PDE4D: variants seen among roughly 807,000 people sequenced by gnomAD.
PDE4D encodes the protein 3',5'-cyclic-AMP phosphodiesterase 4D.
In PDE4D, 24 loss-of-function variants were observed where a neutral mutation model predicts 87.4. The observed-to-expected ratio is 0.27, with a 90% CI of 0.20 to 0.39. The LOEUF is 0.39. Ranked by LOEUF, PDE4D falls within the 10% of genes least tolerant of loss-of-function variation. The probability of loss-of-function intolerance (pLI) is 1.00; values close to 1 mark genes in which losing one functional copy is unlikely to be tolerated. For missense variants in PDE4D, 714 were observed against 1,041.0 expected (o/e 0.69, Z 4.32); for synonymous variants, 384 against 383.2 (o/e 1.00, Z -0.02).
intron 1 of PDE4D, among the ~76,000 whole-genome samples, chr5:59,325,479 T>C (rs908623393): frequency 6.6e-6 from 1 of 152,166 alleles, no homozygotes; most frequent in African/African-American, 2.4e-5. Context: ...ACCTACACAG[T>C]AGTGTATTAA....
chr5:59,801,270 A>C (rs1015707978), intron 1 of PDE4D, among the ~76,000 whole-genome samples: 6 of 152,224 alleles, frequency 3.9e-5, no homozygotes, highest in Non-Finnish European at 8.8e-5. Flanking sequence ...AATCTAAATT[A>C]TAAAATGGCT....
intron 6 of PDE4D, among the ~76,000 whole-genome samples, chr5:58,999,204 G>A (rs1749905243): frequency 6.6e-6 from 1 of 152,134 alleles, no homozygotes; most frequent in Non-Finnish European, 1.5e-5. Context: ...TATTTGCAAT[G>A]AATGTATTTA....
At chr5:59,493,716 G>T (rs1806635913) in intron 1 of PDE4D, among the ~76,000 whole-genome samples, 2 of 152,170 alleles carry the variant, frequency 1.3e-5, no homozygotes, top group Admixed American at 1.3e-4. Context: ...AAATTACTAA[G>T]ATCAGAAACT....
At chr5:59,380,199 C>T (rs1785489401) in intron 1 of PDE4D, among the ~76,000 whole-genome samples, 1 of 151,608 alleles carries the variant, frequency 6.6e-6, no homozygotes, top group African/African-American at 2.4e-5. Context: ...AAATAACATG[C>T]ATTATTTTAT....
intron 1 of PDE4D, among the ~76,000 whole-genome samples, chr5:60,314,802 C>T (rs1407289393): frequency 2.6e-5 from 4 of 152,126 alleles, no homozygotes; most frequent in African/African-American, 9.7e-5. Flanking sequence ...CATGTCCCTA[C>T]AAAGGACATG....
intron 1 of PDE4D, among the ~76,000 whole-genome samples, chr5:59,396,798 A>C (rs1209370105): frequency 8.4e-6 from 1 of 118,512 alleles, no homozygotes; most frequent in Non-Finnish European, 1.8e-5. Context: ...AAATTGGATA[A>C]AGAGTCAACA....
intron 1 of PDE4D, among the ~76,000 whole-genome samples, chr5:59,266,321 T>C (rs368868910): frequency 6.6e-6 from 1 of 151,876 alleles, no homozygotes; most frequent in African/African-American, 2.4e-5. Context: ...CACTTAAGCA[T>C]TGACATTGTT....
At chr5:59,273,989 A>G (rs1249092719) in intron 1 of PDE4D, among the ~76,000 whole-genome samples, 1 of 152,138 alleles carries the variant, frequency 6.6e-6, no homozygotes, top group Non-Finnish European at 1.5e-5. Context: ...AAGTAGTAAC[A>G]TCTTTTCACA....
intron 1 of PDE4D, among the ~76,000 whole-genome samples, chr5:59,609,638 G>A (rs1828718432): frequency 1.3e-5 from 2 of 152,074 alleles, no homozygotes; most frequent in South Asian, 4.1e-4. Context: ...AACCTGTCAT[G>A]AACATGTAGC....
chr5:59,210,010 C>G (rs759531293), intron 2 of PDE4D, among the ~76,000 whole-genome samples: 5 of 152,346 alleles, frequency 3.3e-5, no homozygotes, highest in African/African-American at 1.2e-4. Flanking sequence ...CACTCCTACA[C>G]CACAGGGTGA....
chr5:59,378,975 TG>T (rs1785242037), intron 1 of PDE4D, among the ~76,000 whole-genome samples: 1 of 77,218 alleles, frequency 1.3e-5, no homozygotes, highest in Admixed American at 1.0e-4. Context: ...TCCACGTGTG[TG>T]TGTTTGTGTG....
At chr5:59,535,070 TGTGTGTG>T (rs1814912854) in intron 1 of PDE4D, among the ~76,000 whole-genome samples, 1 of 79,094 alleles carries the variant, frequency 1.3e-5, no homozygotes, top group African/African-American at 4.1e-5. Flanking sequence ...GGTGTGTGTG[TGTGTGTG>T]GGGGGGGGGT....
intron 2 of PDE4D, among the ~76,000 whole-genome samples, chr5:60,091,832 C>G (rs996003161): frequency 6.6e-6 from 1 of 151,868 alleles, no homozygotes; most frequent in Non-Finnish European, 1.5e-5. Flanking sequence ...ACAGGCGGAT[C>G]ACGAGGTCAG....
chr5:59,907,627 T>G (rs1262162201), intron 3 of PDE4D, among the ~76,000 whole-genome samples: 1 of 152,114 alleles, frequency 6.6e-6, no homozygotes, highest in African/African-American at 2.4e-5. Context: ...ATGTGGCAAG[T>G]TCTATCACGA....
intron 1 of PDE4D, among the ~76,000 whole-genome samples, chr5:59,729,475 G>A (rs2150595280): frequency 6.6e-6 from 1 of 152,164 alleles, no homozygotes; most frequent in African/African-American, 2.4e-5. Context: ...GCAGAGTATA[G>A]GATATTTTCA....
intron 1 of PDE4D, among the ~76,000 whole-genome samples, chr5:59,301,164 C>T (rs1228024782): frequency 1.3e-5 from 2 of 151,892 alleles, no homozygotes; most frequent in Non-Finnish European, 2.9e-5. Context: ...TAGGGCAGTA[C>T]TCTCTCTGGG....
At chr5:59,424,123 A>C (rs755404831) in intron 1 of PDE4D, among the ~76,000 whole-genome samples, 2 of 152,140 alleles carry the variant, frequency 1.3e-5, no homozygotes, top group Non-Finnish European at 2.9e-5. Context: ...GGGCCATAAG[A>C]AAAAAGGACA....
chr5:60,325,156 C>G (rs1756667898), intron 1 of PDE4D, among the ~76,000 whole-genome samples: 1 of 152,216 alleles, frequency 6.6e-6, no homozygotes, highest in Non-Finnish European at 1.5e-5. Context: ...AGATTCATTA[C>G]ATTGCCTCTA....
At chr5:60,125,439 T>G (rs1268630320) in intron 2 of PDE4D, among the ~76,000 whole-genome samples, 1 of 152,170 alleles carries the variant, frequency 6.6e-6, no homozygotes, top group African/African-American at 2.4e-5. Context: ...CCTGGAATAC[T>G]GCATTTATCT....
Sources: gnomAD v4.1 joint callset for allele counts (sites outside exome capture counted in the v4.1 genomes callset) on GRCh38, gnomAD v4.1.1 for gene constraint, MANE v1.5 for transcripts, NCBI Gene and HGNC (gene_info 2026-07-23, HGNC 2026-07-21) for gene names.